The following BNC2 variants were observed in gnomAD, a reference collection of about 807,000 sequenced individuals.
BNC2 encodes the protein zinc finger protein basonuclin-2.
Under a neutral mutation model 76.3 loss-of-function variants are expected in BNC2, and 20 were observed. The observed-to-expected ratio is 0.26, with a 90% confidence interval of 0.18 to 0.38. BNC2 has a LOEUF of 0.38. Among genes scored for constraint, BNC2 ranks in the 10% least tolerant of loss-of-function variants. The pLI is 1.00. For missense variants in BNC2, 1,382 were observed against 1,399.8 expected, an observed-to-expected ratio of 0.99 and a Z score of 0.20; for synonymous variants, 582 against 514.8, an observed-to-expected ratio of 1.13 and a Z score of -1.77.
intron 5 of BNC2, among the ~76,000 whole-genome samples, chr9:16,446,551 C>G (rs925155058): frequency 1.7e-4 from 26 of 151,964 alleles, no homozygotes; most frequent in African/African-American, 5.8e-4. Flanking sequence ...GAACAATATA[C>G]TCTCCAAAAA....
chr9:16,756,404 C>T (rs1240127045), intron 1 of BNC2, among the ~76,000 whole-genome samples: 2 of 152,276 alleles, frequency 1.3e-5, no homozygotes, highest in South Asian at 2.1e-4. Context: ...CTCCATTCCT[C>T]TCTCTATTAC....
intron 5 of BNC2, among the ~76,000 whole-genome samples, chr9:16,498,640 T>G (rs1051201607): frequency 6.6e-6 from 1 of 151,228 alleles, no homozygotes; most frequent in African/African-American, 2.4e-5. Context: ...AAATACCACC[T>G]GTACCCCAAT....
At chr9:16,574,288 C>T (rs1001012618) in intron 4 of BNC2, among the ~76,000 whole-genome samples, 5 of 152,054 alleles carry the variant, frequency 3.3e-5, no homozygotes, top group African/African-American at 9.7e-5. Flanking sequence ...GATAAAGTGG[C>T]GAGCCCATCG....
intron 3 of BNC2, among the ~76,000 whole-genome samples, chr9:16,700,084 A>G (rs961565124): frequency 3.3e-5 from 5 of 152,216 alleles, no homozygotes; most frequent in African/African-American, 1.2e-4. Context: ...TTTAATAGAT[A>G]TGCTATAATG....
chr9:16,839,592 C>T (rs981673990), intron 1 of BNC2, among the ~76,000 whole-genome samples: 1 of 152,192 alleles, frequency 6.6e-6, no homozygotes. Context: ...CTAAAGCACG[C>T]TGCGCACTCT....
chr9:16,710,322 C>T (rs1823800019), intron 3 of BNC2, among the ~76,000 whole-genome samples: 1 of 152,150 alleles, frequency 6.6e-6, no homozygotes, highest in Admixed American at 6.5e-5. Context: ...ACATGTATCA[C>T]ACAGAGTCCA....
chr9:16,602,621 G>A (rs1202985189), intron 3 of BNC2, among the ~76,000 whole-genome samples: 3 of 152,242 alleles, frequency 2.0e-5, no homozygotes, highest in Admixed American at 6.5e-5. Flanking sequence ...TGGGCCGAGA[G>A]CAATGCCAAT....
chr9:16,417,083 T>C lies in BNC2; in HGVS notation c.*1906A>G, dbSNP rs970901059. The C allele has an allele frequency of 3.3e-5, 5 of 152,544 alleles. No homozygotes were observed. The highest frequency in any genetic ancestry group is 1.2e-4 in the African/African-American group (5 of 41,420). 9.4% of individuals were successfully genotyped at this position (152,544 alleles called of 1,614,324 possible). A position where few individuals can be genotyped will look rare whatever the true frequency, so the allele number is the denominator to read the frequency against. ...AAAGAAATACATTCTCTTTAAATTA[T>C]TGTGTACTGTTTGACAAAATATTCC... is the stretch of plus-strand genomic sequence containing the variant. On this transcript the variant is annotated 3_prime_UTR_variant, in exon 7 of 7. Coordinates refer to ENST00000380672, the MANE Select transcript of BNC2 (RefSeq NM_017637.6).
intron 3 of BNC2, among the ~76,000 whole-genome samples, chr9:16,690,586 T>A (rs1248900449): frequency 6.6e-6 from 1 of 152,320 alleles, no homozygotes; most frequent in East Asian, 1.9e-4. Flanking sequence ...AAGGATGGAA[T>A]GACCAGAAAT....
At chr9:16,597,956 C>A (rs1820138938) in intron 3 of BNC2, among the ~76,000 whole-genome samples, 1 of 152,082 alleles carries the variant, frequency 6.6e-6, no homozygotes, top group Non-Finnish European at 1.5e-5. Flanking sequence ...TTAAGGACTG[C>A]AAATCAGTAA....
chr9:16,573,422 C>T (rs969894593), intron 4 of BNC2, among the ~76,000 whole-genome samples: 1 of 151,988 alleles, frequency 6.6e-6, no homozygotes, highest in Non-Finnish European at 1.5e-5. Context: ...ATGACAGCTC[C>T]AAAATTTGGT....
intron 5 of BNC2, among the ~76,000 whole-genome samples, chr9:16,445,444 A>G (rs1821212851): frequency 1.3e-5 from 2 of 152,154 alleles, no homozygotes; most frequent in Non-Finnish European, 2.9e-5. Flanking sequence ...AGAATGAAAC[A>G]TACTCATTCA....
chr9:16,543,470 T>C (rs1005912728), intron 5 of BNC2, among the ~76,000 whole-genome samples: 1 of 152,198 alleles, frequency 6.6e-6, no homozygotes. Context: ...TCTTATCAAA[T>C]GGAGACTGGC....
intron 1 of BNC2, among the ~76,000 whole-genome samples, chr9:16,796,207 C>T (rs913310910): frequency 6.6e-6 from 1 of 152,196 alleles, no homozygotes; most frequent in Non-Finnish European, 1.5e-5. Context: ...ATTAACTTGG[C>T]TTCTTTCGTA....
rs76025302 is a variant in BNC2 at position 16,518,038 on chromosome 9, C to A, written c.669+34492G>T. On this transcript the variant is annotated intron_variant, in intron 5 of 6. Coordinates refer to ENST00000380672, the MANE Select transcript of BNC2 (RefSeq NM_017637.6). Reference sequence around the variant, plus strand: ...ACCAGTTGCATCTTGAGAGTGAAATCTGGAAAGAAGGGACAATAGATGTGT... The same window carrying A: ...ACCAGTTGCATCTTGAGAGTGAAATATGGAAAGAAGGGACAATAGATGTGT... 5.6e-3 allele frequency among the ~76,000 whole-genome samples: 857 copies of A among 152,244 alleles called. 7 individuals are homozygous for A. The highest frequency in any genetic ancestry group is 0.02 in the Middle Eastern group (6 of 294).
At chr9:16,499,761 C>T (rs546516920) in intron 5 of BNC2, among the ~76,000 whole-genome samples, 3 of 151,994 alleles carry the variant, frequency 2.0e-5, no homozygotes, top group Admixed American at 6.6e-5. Flanking sequence ...GAACTCCTGA[C>T]CTCAAGTGAT....
chr9:16,655,129 C>T (rs1821892424), intron 3 of BNC2, among the ~76,000 whole-genome samples: 1 of 151,520 alleles, frequency 6.6e-6, no homozygotes, highest in Non-Finnish European at 1.5e-5. Context: ...AGAATCCTTG[C>T]CACATTATGC....
chr9:16,448,018 GA>G (rs1821263076), intron 5 of BNC2, among the ~76,000 whole-genome samples: 1 of 152,042 alleles, frequency 6.6e-6, no homozygotes. Context: ...GAAAACACTA[GA>G]AACAGGAGGA....
intron 1 of BNC2, among the ~76,000 whole-genome samples, chr9:16,763,234 C>T (rs1190564988): frequency 2.6e-5 from 4 of 152,154 alleles, no homozygotes; most frequent in South Asian, 2.1e-4. Context: ...CCGTTCCCCT[C>T]CATTTTTGTG....
Sources: allele counts gnomAD v4.1 joint callset (sites outside exome capture counted in the v4.1 genomes callset), GRCh38; gene constraint gnomAD v4.1.1; transcripts MANE v1.5; gene names NCBI Gene and HGNC (gene_info 2026-07-23, HGNC 2026-07-21).